NTM: variants seen among roughly 807,000 people sequenced by gnomAD.
The protein encoded by NTM is IgLON family member 2.
A neutral mutation model predicts 42.1 loss-of-function variants in NTM; 13 were observed. That is an observed-to-expected ratio of 0.31 (90% CI 0.20 to 0.49). The LOEUF is 0.49. Ranked by LOEUF, NTM falls within the 20% of genes least tolerant of loss-of-function variation. The pLI is 0.99. For missense variants in NTM, 373 were observed against 452.8 expected, an observed-to-expected ratio of 0.82 and a Z score of 1.60; for synonymous variants, 187 against 179.2, an observed-to-expected ratio of 1.04 and a Z score of -0.35.
chr11:132,128,581 C>T (rs905049463), intron 2 of NTM, among the ~76,000 whole-genome samples: 10 of 151,870 alleles, frequency 6.6e-5, no homozygotes, highest in Admixed American at 2.0e-4. Flanking sequence ...AGGAGTTCAC[C>T]CAACCAACTT....
chr11:131,874,369 T>C (rs938187368), intron 1 of NTM, among the ~76,000 whole-genome samples: 1 of 152,024 alleles, frequency 6.6e-6, no homozygotes, highest in Admixed American at 6.6e-5. Flanking sequence ...TTCATCATGA[T>C]GGCTAATTTT....
chr11:131,815,844 G>GC (rs2092930134), intron 1 of NTM, among the ~76,000 whole-genome samples: 1 of 152,218 alleles, frequency 6.6e-6, no homozygotes, highest in South Asian at 2.1e-4. Context: ...CTTCCGGGTG[G>GC]CCGCGGTGGG....
intron 4 of NTM, among the ~76,000 whole-genome samples, chr11:132,278,851 G>C (rs563386772): frequency 6.8e-6 from 1 of 147,038 alleles, no homozygotes; most frequent in East Asian, 2.1e-4. Flanking sequence ...TTCACTCTAC[G>C]CTCCTCTCCT....
At chr11:132,135,410 T>G (rs1175125535) in intron 2 of NTM, among the ~76,000 whole-genome samples, 1 of 152,240 alleles carries the variant, frequency 6.6e-6, no homozygotes, top group African/African-American at 2.4e-5. Flanking sequence ...AAGATTGCCT[T>G]TGTTCCAGTT....
rs113122235 is a variant in NTM, at chr11:132,236,741, C to T, written c.526+24594C>T. ...GGCTGTGCTAGTGCTCAGAAGTGTC[C>T]GAGAATTCTTTGCGCCACTCTCACC... is the stretch of plus-strand genomic sequence containing the variant. On this transcript the variant is annotated intron_variant, in intron 4 of 8. Transcript: ENST00000683400. Among the ~76,000 whole-genome samples, 397 of 152,282 alleles carry T rather than the reference C, an allele frequency of 2.6e-3. 1 individual carries two copies. The highest frequency in any genetic ancestry group is 3.0e-3 in the Non-Finnish European group (203 of 68,030).
chr11:131,795,357 G>T (rs1026688749), intron 1 of NTM: 1 of 981,730 alleles, frequency 1.0e-6, no homozygotes. Context: ...AGATGTTATT[G>T]TTATGAGCTA....
At chr11:132,042,171 C>T (rs941815609) in intron 2 of NTM, among the ~76,000 whole-genome samples, 1 of 152,084 alleles carries the variant, frequency 6.6e-6, no homozygotes, top group African/African-American at 2.4e-5. Context: ...TCCTCTAGAC[C>T]CAAAATGAGG....
At chr11:131,392,508 C>T (rs1369010131) in intron 1 of NTM, among the ~76,000 whole-genome samples, 3 of 152,228 alleles carry the variant, frequency 2.0e-5, no homozygotes, top group South Asian at 2.1e-4. Flanking sequence ...CCTGCACAGA[C>T]CTCCCTGGCT....
At chr11:132,028,470 T>G (rs2075485106) in intron 2 of NTM, among the ~76,000 whole-genome samples, 1 of 152,172 alleles carries the variant, frequency 6.6e-6, no homozygotes, top group Non-Finnish European at 1.5e-5. Flanking sequence ...CCCTAGAAAT[T>G]TATTTTCAAA....
intron 1 of NTM, among the ~76,000 whole-genome samples, chr11:131,548,510 TATG>T (rs879660506): frequency 1.3e-5 from 2 of 152,182 alleles, no homozygotes; most frequent in African/African-American, 2.4e-5. Context: ...TTATAATAAT[TATG>T]ATAACATTTA....
chr11:131,763,688 TC>T (rs1239731966), intron 1 of NTM, among the ~76,000 whole-genome samples: 2 of 140,566 alleles, frequency 1.4e-5, no homozygotes, highest in African/African-American at 2.6e-5. Flanking sequence ...CTGCTTCTTA[TC>T]CACAGGCCCA....
chr11:131,909,145 C>T (rs1404246730), intron 1 of NTM, among the ~76,000 whole-genome samples: 1 of 152,202 alleles, frequency 6.6e-6, no homozygotes, highest in East Asian at 1.9e-4. Flanking sequence ...TGGCTAAGCA[C>T]GTCCTAGTCA....
intron 7 of NTM, among the ~76,000 whole-genome samples, chr11:132,316,094 T>C (rs538815785): frequency 2.0e-5 from 3 of 151,634 alleles, no homozygotes; most frequent in Non-Finnish European, 4.4e-5. Flanking sequence ...GCACTCCTCA[T>C]CCTCACAGGG....
chr11:132,061,361 C>T (rs571240647), intron 2 of NTM, among the ~76,000 whole-genome samples: 1 of 152,286 alleles, frequency 6.6e-6, no homozygotes, highest in African/African-American at 2.4e-5. Flanking sequence ...TGATGTTTAG[C>T]ATCTTTCATA....
At chr11:131,449,332 G>T (rs1950303867) in intron 1 of NTM, among the ~76,000 whole-genome samples, 1 of 152,180 alleles carries the variant, frequency 6.6e-6, no homozygotes, top group African/African-American at 2.4e-5. Context: ...TCCCACAGGG[G>T]CATGGAGGTG....
chr11:131,786,592 T>A (rs1217912512), intron 1 of NTM, among the ~76,000 whole-genome samples: 2 of 152,154 alleles, frequency 1.3e-5, no homozygotes, highest in Non-Finnish European at 2.9e-5. Flanking sequence ...GAATTTTTTT[T>A]AAAATAGTAA....
chr11:131,420,984 A>G (rs1002998097), intron 1 of NTM, among the ~76,000 whole-genome samples: 1 of 151,810 alleles, frequency 6.6e-6, no homozygotes, highest in South Asian at 2.1e-4. Flanking sequence ...TTGCCCTCTC[A>G]TCTCTTTCTC....
At chr11:132,040,069 C>A (rs1286211019) in intron 2 of NTM, among the ~76,000 whole-genome samples, 1 of 151,318 alleles carries the variant, frequency 6.6e-6, no homozygotes, top group Non-Finnish European at 1.5e-5. Flanking sequence ...GCTGGGACTA[C>A]AGATGCATGC....
intron 3 of NTM, among the ~76,000 whole-genome samples, chr11:132,152,182 G>A (rs573861275): frequency 6.6e-6 from 1 of 152,296 alleles, no homozygotes; most frequent in South Asian, 2.1e-4. Flanking sequence ...TACTTTGAAA[G>A]CAAAGCTTTC....
Sources: gnomAD v4.1 joint callset for allele counts (sites outside exome capture counted in the v4.1 genomes callset) on GRCh38, gnomAD v4.1.1 for gene constraint, MANE v1.5 for transcripts, NCBI Gene and HGNC (gene_info 2026-07-23, HGNC 2026-07-21) for gene names.